Variants in TMTC1 observed in about 807,000 individuals in gnomAD.
The protein encoded by TMTC1 is transmembrane O-mannosyltransferase targeting cadherins 1, also known as protein O-mannosyl-transferase TMTC1.
Under a neutral mutation model 104.8 loss-of-function variants are expected in TMTC1, and 73 were observed. The ratio of observed to expected loss-of-function variants is 0.70; its 90% confidence interval spans 0.58 to 0.85. The LOEUF (loss-of-function observed/expected upper bound fraction) is 0.85. Ranked by LOEUF, TMTC1 falls within the 40% of genes least tolerant of loss-of-function variation. TMTC1 has a pLI of 0.00. For synonymous variants in TMTC1, 434 were observed against 428.7 expected (o/e 1.01, Z -0.15); for missense variants, 1,035 against 1,096.1 (o/e 0.94, Z 0.79).
intron 7 of TMTC1, among the ~76,000 whole-genome samples, chr12:29,586,921 CT>C (rs1348814525): frequency 2.0e-5 from 3 of 151,992 alleles, no homozygotes; most frequent in Admixed American, 6.6e-5. Context: ...CTCTGCCAGG[CT>C]TTGGTATCAG....
intron 5 of TMTC1, among the ~76,000 whole-genome samples, chr12:29,677,086 G>A (rs1478618008): frequency 6.6e-6 from 1 of 152,186 alleles, no homozygotes; most frequent in Non-Finnish European, 1.5e-5. Context: ...ATCATTTTAA[G>A]CCATTAGGAT....
At chr12:29,516,188 G>A (rs1276869980) in intron 15 of TMTC1, among the ~76,000 whole-genome samples, 161 bp downstream of exon 15, 2 of 152,146 alleles carry the variant, frequency 1.3e-5, no homozygotes, top group Non-Finnish European at 2.9e-5. Context: ...CATCTTAGGT[G>A]TTAAGGGGAT....
At chr12:29,517,345 G>C in intron 14 of TMTC1, 82 bp downstream of exon 14, 1 of 1,500,350 alleles carries the variant, frequency 6.7e-7, no homozygotes, top group Non-Finnish European at 9.1e-7. Context: ...TCCAGCTCCA[G>C]TTTTGAGGCG....
chr12:29,664,015 G>T (rs574392450), intron 5 of TMTC1, among the ~76,000 whole-genome samples: 1 of 151,276 alleles, frequency 6.6e-6, no homozygotes, highest in Admixed American at 6.6e-5. Flanking sequence ...GTGAAACCCC[G>T]TCTCTACTAA....
chr12:29,772,253 T>C (rs1943610781), intron 1 of TMTC1, among the ~76,000 whole-genome samples: 1 of 152,218 alleles, frequency 6.6e-6, no homozygotes, highest in Admixed American at 6.5e-5. Flanking sequence ...CATGGAAATA[T>C]CTGTGTGCCC....
rs774446309 is a variant in TMTC1, at chr12:29,516,424, C to T, written c.2232G>A (p.Val744=). 1.2e-6 allele frequency: 2 copies of T among 1,614,078 alleles called. No individual in the cohort carries two copies. The highest frequency in any genetic ancestry group is 8.5e-7 in the Non-Finnish European group (1 of 1,179,970). The stretch of plus-strand genomic sequence containing the variant: ...ATTCAAGGCATCCGGTCTCCTCTGA[C>T]ACAATGTGATTGGTCATCTTTTCAG... ...KEAEKMTNHI[V]SEETGCLECY... The change falls in exon 15 of 18, where the codon GTG becomes GTA. Residue 744 remains valine (V), a synonymous_variant. Transcript: ENST00000539277.
At chr12:29,617,540 G>C (rs201070588) in intron 6 of TMTC1, among the ~76,000 whole-genome samples, 6,846 of 147,410 alleles carry the variant, frequency 0.046, 503 homozygotes, top group African/African-American at 0.16. Context: ...AGACAACAGA[G>C]AGAGAGAGAG....
chr12:29,722,941 A>G lies in TMTC1; in HGVS notation c.938+28725T>C, dbSNP rs112515542. On this transcript the variant is annotated intron_variant, in intron 5 of 17. Transcript: ENST00000539277. ...GTCTCAAAAAAAAAAAAAAAGGAAG[A>G]AAGAAAGAAAAAAGAAAAGAACTAG... 5.1e-5 allele frequency among the ~76,000 whole-genome samples: 6 copies of G among 117,532 alleles called. No individual in the cohort carries two copies. In the East Asian group the frequency reaches 7.7e-4, roughly 15 times the overall value. 77.1% of individuals were successfully genotyped at this position (117,532 alleles called of 152,430 possible). A position where few individuals can be genotyped will look rare whatever the true frequency, so the allele number is the denominator to read the frequency against.
intron 4 of TMTC1, among the ~76,000 whole-genome samples, chr12:29,753,820 T>C (rs1943149421): frequency 6.6e-6 from 1 of 152,172 alleles, no homozygotes; most frequent in Admixed American, 6.5e-5. Flanking sequence ...AAGAAAAGAA[T>C]GAATGCCTCC....
chr12:29,743,209 C>T (rs1942871528), intron 5 of TMTC1, among the ~76,000 whole-genome samples: 1 of 152,150 alleles, frequency 6.6e-6, no homozygotes, highest in Non-Finnish European at 1.5e-5. Flanking sequence ...AGATCATATG[C>T]CTGGTAGGCA....
At chr12:29,565,565 G>T (rs1316251283) in intron 9 of TMTC1, among the ~76,000 whole-genome samples, 1 of 152,180 alleles carries the variant, frequency 6.6e-6, no homozygotes, top group Non-Finnish European at 1.5e-5. Context: ...CACAGTATAA[G>T]GCCAGGTGGA....
chr12:29,664,657 T>TA (rs1170372543), intron 5 of TMTC1, among the ~76,000 whole-genome samples: 1 of 152,226 alleles, frequency 6.6e-6, no homozygotes, highest in Non-Finnish European at 1.5e-5. Flanking sequence ...ATTCACCACT[T>TA]ACAACAATTC....
intron 5 of TMTC1, among the ~76,000 whole-genome samples, chr12:29,743,204 A>G (rs1399186670): frequency 6.6e-6 from 1 of 152,234 alleles, no homozygotes; most frequent in Non-Finnish European, 1.5e-5. Flanking sequence ...GTAAAAGATC[A>G]TATGCCTGGT....
At chr12:29,659,751 T>C in intron 5 of TMTC1, 1 of 634,816 alleles carries the variant, frequency 1.6e-6, no homozygotes, top group Non-Finnish European at 2.6e-6. Context: ...CAATTTCAAA[T>C]GTATAGTTTC....
chr12:29,783,846 G>A lies in TMTC1; in HGVS notation c.-95C>T. 1 of 1,043,544 alleles carries A rather than the reference G, an allele frequency of 9.6e-7. No homozygotes were observed. The highest frequency in any genetic ancestry group is 1.2e-6 in the Non-Finnish European group (1 of 864,636). 64.6% of individuals were successfully genotyped at this position (1,043,544 alleles called of 1,614,324 possible). Reference sequence around the variant, plus strand: ...GCGGCGCGCGGCGTCTGCCCGGAGGGGGGCTCGGGCATGGTGCTGCGGCAG... The same window carrying A: ...GCGGCGCGCGGCGTCTGCCCGGAGGAGGGCTCGGGCATGGTGCTGCGGCAG... On this transcript the variant is annotated 5_prime_UTR_variant, in exon 1 of 18. Coordinates refer to ENST00000539277, the MANE Select transcript of TMTC1 (RefSeq NM_001193451.2). This position sits in a 1 kb window ranked among gnomAD's most constrained non-coding sequence, Gnocchi z 4.7.
chr12:29,516,440 A>T lies in TMTC1; in HGVS notation c.2216T>A (p.Met739Lys). The T allele has an allele frequency of 6.2e-7, 1 of 1,614,054 alleles. No homozygotes were observed. The highest frequency in any genetic ancestry group is 8.5e-7 in the Non-Finnish European group (1 of 1,179,954). The change falls in exon 15 of 18, where the codon ATG (methionine) becomes AAG (lysine). Residue 739 changes from methionine to lysine, a missense_variant. Physicochemically the swap from Met to Lys is moderately conservative, Grantham distance 95. Transcript: ENST00000539277. ...VMGQTKEAEK[M>K]TNHIVSEETG... ...CTCCTCTGACACAATGTGATTGGTC[A>T]TCTTTTCAGCTTCTTTTGTCTGACC...
chr12:29,697,556 C>T (rs999663806), intron 5 of TMTC1, among the ~76,000 whole-genome samples: 11 of 152,228 alleles, frequency 7.2e-5, no homozygotes, highest in African/African-American at 2.7e-4. Context: ...AAGAAATTGG[C>T]TCATGTGATT....
At chr12:29,733,119 C>A (rs757827905) in intron 5 of TMTC1, among the ~76,000 whole-genome samples, 2 of 152,124 alleles carry the variant, frequency 1.3e-5, no homozygotes, top group African/African-American at 2.4e-5. Context: ...TTCTCCCATG[C>A]AAAATATGGA....
At chr12:29,586,393 T>G (rs1483467955) in intron 7 of TMTC1, among the ~76,000 whole-genome samples, 1 of 152,218 alleles carries the variant, frequency 6.6e-6, no homozygotes, top group Non-Finnish European at 1.5e-5. Context: ...AGGGACAATT[T>G]GACTTCCTCT....
Sources: gnomAD v4.1 joint callset for allele counts (sites outside exome capture counted in the v4.1 genomes callset) on GRCh38, gnomAD v4.1.1 for gene constraint, Gnocchi (gnomAD v3.1) non-coding constraint, MANE v1.5 for transcripts, NCBI Gene and HGNC (gene_info 2026-07-23, HGNC 2026-07-21) for gene names.